ZC3H11A: variants seen among roughly 807,000 people sequenced by gnomAD.
The protein encoded by ZC3H11A is zinc finger CCCH-type containing 11A, also known as zinc finger CCCH domain-containing protein 11A.
In ZC3H11A, 22 loss-of-function variants were observed where a neutral mutation model predicts 90.8. The ratio of observed to expected loss-of-function variants is 0.24; its 90% CI spans 0.17 to 0.35. ZC3H11A has a LOEUF of 0.35. Ranked by LOEUF, ZC3H11A falls within the 10% of genes least tolerant of loss-of-function variation. The probability of loss-of-function intolerance (pLI) is 1.00; values close to 1 mark genes in which losing one functional copy is unlikely to be tolerated. For synonymous variants in ZC3H11A, 294 were observed against 339.8 expected, an observed-to-expected ratio of 0.87 and a Z score of 1.48; for missense variants, 701 against 964.9, an observed-to-expected ratio of 0.73 and a Z score of 3.62.
At chr1:203,820,249 A>G (rs1678088188) in intron 4 of ZC3H11A, among the ~76,000 whole-genome samples, 1 of 151,950 alleles carries the variant, frequency 6.6e-6, no homozygotes, top group Non-Finnish European at 1.5e-5. Flanking sequence ...AAAAAAAAAA[A>G]AAAGCCCAAA....
intron 14 of ZC3H11A, 138 bp downstream of exon 14, chr1:203,848,545 A>T (rs936552189): frequency 3.0e-6 from 2 of 669,348 alleles, no homozygotes; most frequent in East Asian, 3.0e-5. Context: ...ATAATTTCTT[A>T]TGAGAATTTC....
chr1:203,850,379 C>T (rs551721883), intron 15 of ZC3H11A, 136 bp from the exon 16 acceptor site: 4 of 1,344,200 alleles, frequency 3.0e-6, no homozygotes, highest in African/African-American at 1.4e-5. Flanking sequence ...GCCTTTGAAT[C>T]GTTTTCAGTC....
At chr1:203,825,583 C>CT (rs1209648706) in intron 4 of ZC3H11A, among the ~76,000 whole-genome samples, 1 of 151,964 alleles carries the variant, frequency 6.6e-6, no homozygotes, top group East Asian at 1.9e-4. Flanking sequence ...TACAGGCGCC[C>CT]TCCACCATGC....
intron 2 of ZC3H11A, among the ~76,000 whole-genome samples, chr1:203,806,712 C>T (rs1571952675): frequency 6.6e-6 from 1 of 152,076 alleles, no homozygotes; most frequent in East Asian, 1.9e-4. Context: ...GTTAGTTTAC[C>T]TCTAGTGTTT....
At chr1:203,838,256 G>A (rs557725035) in intron 11 of ZC3H11A, among the ~76,000 whole-genome samples, 192 bp downstream of exon 11, 1 of 152,110 alleles carries the variant, frequency 6.6e-6, no homozygotes, top group Admixed American at 6.5e-5. Flanking sequence ...AAAAAACACC[G>A]TCACACTCCT....
intron 9 of ZC3H11A, 68 bp from the exon 10 acceptor site, chr1:203,833,723 C>T: frequency 5.4e-6 from 7 of 1,298,514 alleles, no homozygotes; most frequent in Middle Eastern, 1.9e-4. Context: ...ATACTTTGTA[C>T]CCATTAGTAG....
At chr1:203,833,290 G>A (rs1378530273) in intron 9 of ZC3H11A, among the ~76,000 whole-genome samples, 6 of 151,290 alleles carry the variant, frequency 4.0e-5, no homozygotes, top group African/African-American at 4.9e-5. Context: ...GCTTGAACCC[G>A]GGAGGTGGAG....
intron 2 of ZC3H11A, among the ~76,000 whole-genome samples, chr1:203,806,830 CTTT>C (rs373591619): frequency 6.8e-5 from 8 of 117,850 alleles, no homozygotes; most frequent in Non-Finnish European, 1.2e-4. Flanking sequence ...CCTCAGGTTC[CTTT>C]TTTTTTTTTT....
chr1:203,831,758 C>A lies in ZC3H11A; in HGVS notation c.798C>A (p.Leu266=), dbSNP rs141612045. 4,469 of 1,611,782 alleles carry A rather than the reference C, an allele frequency of 2.8e-3. 17 individuals carry two copies. The highest frequency in any genetic ancestry group is 3.0e-3 in the Non-Finnish European group (3,548 of 1,178,842). Residue 266 remains leucine, a synonymous_variant, in exon 9 of 18, where the codon CTC becomes CTA. Transcript: ENST00000367210. The stretch of plus-strand genomic sequence containing the variant: ...GGACTGTGGTGAGGACAGTAACTCT[C>A]TCCACCAAACAAGGTAAGGTATAGA... ...NVRTVVRTVT[L]STKQGEEPLV... is the part of the protein sequence containing the mutation.
chr1:203,819,551 T>TTTTTTTTTTA (rs1677741962), intron 4 of ZC3H11A, among the ~76,000 whole-genome samples: 1 of 83,014 alleles, frequency 1.2e-5, no homozygotes, highest in African/African-American at 4.9e-5. Context: ...TTTTTTTTTT[T>TTTTTTTTTTA]GAGACAGAGT....
At chr1:203,806,394 C>T (rs34027291) in intron 2 of ZC3H11A, 19,469 of 180,566 alleles carry the variant, frequency 0.11, 1,381 homozygotes, top group Non-Finnish European at 0.14. Flanking sequence ...CTCTGCCTTC[C>T]GGGTTCAAGC....
chr1:203,832,991 T>A (rs934694879), intron 9 of ZC3H11A, among the ~76,000 whole-genome samples: 1 of 152,134 alleles, frequency 6.6e-6, no homozygotes, highest in Non-Finnish European at 1.5e-5. Flanking sequence ...CCCAGCACTT[T>A]GGGAGGCTGA....
intron 10 of ZC3H11A, among the ~76,000 whole-genome samples, chr1:203,837,313 T>C (rs1684661357): frequency 6.6e-6 from 1 of 152,030 alleles, no homozygotes; most frequent in Non-Finnish European, 1.5e-5. Flanking sequence ...AAGGGTTCTT[T>C]TGTACATGAA....
intron 11 of ZC3H11A, among the ~76,000 whole-genome samples, chr1:203,838,954 C>CAAAAAAAA (rs59033094): frequency 1.3e-4 from 13 of 97,922 alleles, no homozygotes; most frequent in African/African-American, 4.7e-4. Flanking sequence ...GACTTCATCT[C>CAAAAAAAA]AAAAAAAAAA....
Position 203,840,382 on chromosome 1 carries a change from A to T in ZC3H11A, c.1042+8A>T. On this transcript the variant is annotated splice_region_variant and intron_variant, in intron 12 of 17. Transcript: ENST00000367210. ...ATAATGAGGATGCAACAGGTAAGTA[A>T]ATCCTAAGACCAGATTCTGATTATT... The T allele has an allele frequency of 1.9e-6, 3 of 1,611,488 alleles. No individual in the cohort carries two copies. The highest frequency in any genetic ancestry group is 2.5e-6 in the Non-Finnish European group (3 of 1,178,380).
At chr1:203,805,672 G>A in intron 2 of ZC3H11A, 1 of 696,368 alleles carries the variant, frequency 1.4e-6, no homozygotes, top group South Asian at 1.3e-5. Context: ...CTCCATCCTT[G>A]TTTTTGTGAC....
Position 203,828,495 on chromosome 1 carries a change from C to G in ZC3H11A, c.298+73C>G. Reference sequence around the variant, plus strand: ...ATGCACACTGTACAACAGTACTTTTCAGACATTGACTCCTTTCAGTCTTGT... The same window carrying G: ...ATGCACACTGTACAACAGTACTTTTGAGACATTGACTCCTTTCAGTCTTGT... On this transcript the variant is annotated intron_variant, in intron 5 of 17. Transcript: ENST00000367210. 4.7e-6 allele frequency: 7 copies of G among 1,505,358 alleles called. No individual in the cohort carries two copies. The South Asian group carries it at 8.6e-5, about 19-fold the overall frequency. The allele number at this position is 1,505,358 out of a possible 1,614,324, so 93.3% of individuals were successfully genotyped here.
chr1:203,837,076 C>A (rs1218957898), intron 10 of ZC3H11A, among the ~76,000 whole-genome samples: 1 of 152,100 alleles, frequency 6.6e-6, no homozygotes, highest in African/African-American at 2.4e-5. Flanking sequence ...GGGCAGATCA[C>A]CTGAGCTCAG....
chr1:203,846,871 G>A (rs919162167), intron 12 of ZC3H11A, among the ~76,000 whole-genome samples: 2 of 152,106 alleles, frequency 1.3e-5, no homozygotes, highest in African/African-American at 4.8e-5. Flanking sequence ...GGGCTTGGTG[G>A]TGGGTACCTG....
Sources: allele counts gnomAD v4.1 joint callset (sites outside exome capture counted in the v4.1 genomes callset), GRCh38; gene constraint gnomAD v4.1.1; transcripts MANE v1.5; gene names NCBI Gene and HGNC (gene_info 2026-07-23, HGNC 2026-07-21).